Variants in GPM6A observed in about 807,000 individuals in gnomAD.
The protein encoded by GPM6A is glycoprotein M6A, also known as neuronal membrane glycoprotein M6-a.
A neutral mutation model predicts 32.1 loss-of-function variants in GPM6A; 7 were observed. The observed-to-expected ratio is 0.22, with a 90% CI of 0.12 to 0.41. The LOEUF (loss-of-function observed/expected upper bound fraction) is 0.41, where lower values mean the gene tolerates loss of function less well. Among genes scored for constraint, GPM6A ranks in the 10% least tolerant of loss-of-function variants. GPM6A has a pLI of 1.00. For synonymous variants in GPM6A, 130 were observed against 123.4 expected, an observed-to-expected ratio of 1.05 and a Z score of -0.35; for missense variants, 235 against 347.2, an observed-to-expected ratio of 0.68 and a Z score of 2.57.
chr4:175,983,662 T>C (rs534139216), intron 1 of GPM6A, among the ~76,000 whole-genome samples: 2 of 152,326 alleles, frequency 1.3e-5, no homozygotes, highest in Non-Finnish European at 2.9e-5. Context: ...CTATACATGT[T>C]GCATATTGGT....
At chr4:175,915,447 C>T (rs749318341) in intron 1 of GPM6A, among the ~76,000 whole-genome samples, 21 of 152,062 alleles carry the variant, frequency 1.4e-4, no homozygotes, top group South Asian at 6.3e-4. Context: ...CCAGCACATG[C>T]GGCTAATTTT....
Position 175,706,986 on chromosome 4 carries a change from A to T in GPM6A, c.38-5219T>A, listed in dbSNP as rs184557229. 2.8e-3 allele frequency among the ~76,000 whole-genome samples: 429 copies of T among 152,340 alleles called. 1 individual carries two copies. Among genetic ancestry groups the T allele is most frequent in the Middle Eastern group, 0.01 (3 of 294 alleles). ...AGTGCTATGACAGTTTACAAATGCC[A>T]TGGCAAAGTCATGAGGTTACCCTAC... is the stretch of plus-strand genomic sequence containing the variant. On this transcript the variant is annotated intron_variant, in intron 1 of 6. Coordinates refer to ENST00000393658, the MANE Select transcript of GPM6A (RefSeq NM_201591.3).
chr4:175,874,442 T>C (rs1579586386), intron 1 of GPM6A, among the ~76,000 whole-genome samples: 2 of 152,134 alleles, frequency 1.3e-5, no homozygotes, highest in South Asian at 2.1e-4. Flanking sequence ...ACTGTTGATA[T>C]TGGGAGAGTT....
chr4:175,644,336 T>G (rs1260807147), intron 4 of GPM6A, among the ~76,000 whole-genome samples: 1 of 151,978 alleles, frequency 6.6e-6, no homozygotes, highest in Non-Finnish European at 1.5e-5. Flanking sequence ...GAATTCTTCC[T>G]TCTGAGGAGG....
At chr4:175,977,830 A>C (rs762229617) in intron 1 of GPM6A, among the ~76,000 whole-genome samples, 104 of 152,286 alleles carry the variant, frequency 6.8e-4, no homozygotes, top group Admixed American at 1.6e-3. Context: ...ATAGTTTATA[A>C]TCAAATGGCA....
intron 3 of GPM6A, among the ~76,000 whole-genome samples, chr4:175,659,296 T>G (rs970705570): frequency 6.6e-6 from 1 of 152,078 alleles, no homozygotes; most frequent in Admixed American, 6.6e-5. Context: ...CCCAGGCTGG[T>G]CACAAACTCC....
intron 3 of GPM6A, among the ~76,000 whole-genome samples, chr4:175,657,932 C>T (rs1742179888): frequency 6.6e-6 from 1 of 152,114 alleles, no homozygotes; most frequent in Non-Finnish European, 1.5e-5. Context: ...AGGGAAAAAA[C>T]ATTACAATCA....
intron 2 of GPM6A, among the ~76,000 whole-genome samples, chr4:175,674,735 G>GA (rs142376978): frequency 0.05 from 7,545 of 152,162 alleles, 211 homozygotes; most frequent in Non-Finnish European, 0.063. Context: ...TGCGAATAAT[G>GA]AAAAGATATG....
chr4:175,997,925 C>A (rs1334827075), intron 1 of GPM6A, among the ~76,000 whole-genome samples: 1 of 149,684 alleles, frequency 6.7e-6, no homozygotes, highest in Non-Finnish European at 1.5e-5. Context: ...AGTTGGCATC[C>A]TTCTTCAATC....
chr4:175,902,421 T>G (rs1194853039), intron 1 of GPM6A, among the ~76,000 whole-genome samples: 2 of 152,154 alleles, frequency 1.3e-5, no homozygotes, highest in Non-Finnish European at 2.9e-5. Flanking sequence ...GTTAGAAGCT[T>G]GCATGGATGA....
chr4:175,820,951 T>C (rs1443301076), intron 1 of GPM6A, among the ~76,000 whole-genome samples: 2 of 152,250 alleles, frequency 1.3e-5, no homozygotes, highest in Admixed American at 6.5e-5. Context: ...TTACAATGAA[T>C]ATTTTTATAT....
intron 2 of GPM6A, among the ~76,000 whole-genome samples, chr4:175,694,673 C>A (rs2111045686): frequency 6.6e-6 from 1 of 152,176 alleles, no homozygotes; most frequent in Middle Eastern, 3.4e-3. Flanking sequence ...GCAGAGCATA[C>A]AAGTGAAACA....
intron 1 of GPM6A, among the ~76,000 whole-genome samples, chr4:175,877,701 G>A (rs1477227535): frequency 6.6e-6 from 1 of 152,116 alleles, no homozygotes; most frequent in Admixed American, 6.5e-5. Flanking sequence ...GGTGAGATTT[G>A]GGTGGGGACA....
chr4:175,694,418 G>A (rs1166922381), intron 2 of GPM6A, among the ~76,000 whole-genome samples: 1 of 152,196 alleles, frequency 6.6e-6, no homozygotes, highest in Non-Finnish European at 1.5e-5. Flanking sequence ...AGGCTGAGGA[G>A]TTCTTAGATG....
chr4:175,665,252 T>C (rs1246793426), intron 3 of GPM6A, among the ~76,000 whole-genome samples: 1 of 152,112 alleles, frequency 6.6e-6, no homozygotes, highest in Non-Finnish European at 1.5e-5. Context: ...GCTATTTGCA[T>C]GTTCATCAAT....
chr4:175,816,543 T>G (rs1023223336), upstream of GPM6A, among the ~76,000 whole-genome samples: 2 of 152,162 alleles, frequency 1.3e-5, no homozygotes, highest in South Asian at 2.1e-4. Context: ...GAAGTTGTGG[T>G]TCCAAATATC....
intron 1 of GPM6A, among the ~76,000 whole-genome samples, chr4:175,738,062 C>T (rs1004311390): frequency 6.6e-5 from 10 of 151,976 alleles, no homozygotes; most frequent in African/African-American, 9.7e-5. Flanking sequence ...CTCAGCCTCC[C>T]GAATAGCTGG....
chr4:175,830,838 T>TTA (rs1362067861), intron 1 of GPM6A, among the ~76,000 whole-genome samples: 1 of 152,108 alleles, frequency 6.6e-6, no homozygotes, highest in Non-Finnish European at 1.5e-5. Context: ...ATTTGTTCGT[T>TTA]TATATATCCT....
At chr4:175,886,123 C>T (rs547312142) in intron 1 of GPM6A, among the ~76,000 whole-genome samples, 11 of 152,228 alleles carry the variant, frequency 7.2e-5, no homozygotes, top group African/African-American at 2.6e-4. Context: ...AAAGCTTAGA[C>T]TTTCACCTGT....
Sources: allele counts gnomAD v4.1 joint callset (sites outside exome capture counted in the v4.1 genomes callset), GRCh38; gene constraint gnomAD v4.1.1; transcripts MANE v1.5; gene names NCBI Gene and HGNC (gene_info 2026-07-23, HGNC 2026-07-21).